Variants in XKR4 observed in about 807,000 individuals in gnomAD.
The protein encoded by XKR4 is XK related 4, also known as XK-related protein 4.
Under a neutral mutation model 53.9 loss-of-function variants are expected in XKR4, and 12 were observed. That is an observed-to-expected ratio of 0.22 (90% CI 0.14 to 0.36). The LOEUF (loss-of-function observed/expected upper bound fraction) is 0.36. XKR4 is among the 10% of genes least tolerant of loss of function. The pLI, the probability that XKR4 is intolerant of heterozygous loss-of-function variation, is 1.00. For synonymous variants in XKR4, 354 were observed against 362.4 expected, an observed-to-expected ratio of 0.98 and a Z score of 0.26; for missense variants, 799 against 859.5, an observed-to-expected ratio of 0.93 and a Z score of 0.88.
At chr8:55,138,990 G>A (rs965089574) in intron 1 of XKR4, among the ~76,000 whole-genome samples, 7 of 152,174 alleles carry the variant, frequency 4.6e-5, no homozygotes, top group Non-Finnish European at 8.8e-5. Context: ...GACGTGGCTC[G>A]TCTGTCTGAG....
At chr8:55,485,003 CCTCT>C (rs754748135) in intron 2 of XKR4, among the ~76,000 whole-genome samples, 1 of 152,182 alleles carries the variant, frequency 6.6e-6, no homozygotes, top group South Asian at 2.1e-4. Flanking sequence ...TCTGGAGAAT[CCTCT>C]CTAACACATA....
At chr8:55,263,930 T>C (rs77413705) in intron 1 of XKR4, among the ~76,000 whole-genome samples, 5,676 of 152,278 alleles carry the variant, frequency 0.037, 344 homozygotes, top group African/African-American at 0.13. Context: ...AAAATGGTCA[T>C]TGCAGGTGTA....
chr8:55,370,349 C>T (rs990169018), intron 2 of XKR4, among the ~76,000 whole-genome samples: 3 of 152,200 alleles, frequency 2.0e-5, no homozygotes, highest in Non-Finnish European at 2.9e-5. Flanking sequence ...TAATAGTGCC[C>T]CATCTGAATG....
chr8:55,332,097 G>A (rs1008277998), intron 1 of XKR4, among the ~76,000 whole-genome samples: 1 of 151,618 alleles, frequency 6.6e-6, no homozygotes, highest in Admixed American at 6.6e-5. Context: ...GTTTCCTTTT[G>A]TGTATAGTCT....
chr8:55,179,241 T>C (rs953775717), intron 1 of XKR4, among the ~76,000 whole-genome samples: 1 of 152,286 alleles, frequency 6.6e-6, no homozygotes, highest in Admixed American at 6.5e-5. Context: ...CTAATTTTTC[T>C]GAGATGGTTT....
In XKR4 at chr8:55,335,841, A is replaced by C. The variant is rs79333800; in HGVS notation, c.807-21837A>C. On this transcript the variant is annotated intron_variant, in intron 1 of 2. Coordinates refer to ENST00000327381, the MANE Select transcript of XKR4 (RefSeq NM_052898.2). ...ATCTCAAAATGTTATACACCATATAATTCCATTTATATAACATTCTTGAAC... is the reference window on the plus strand; with the variant it reads ...ATCTCAAAATGTTATACACCATATACTTCCATTTATATAACATTCTTGAAC... 7.7e-3 allele frequency among the ~76,000 whole-genome samples: 1,165 copies of C among 152,270 alleles called. 7 individuals carry two copies. Among genetic ancestry groups the C allele is most frequent in the Non-Finnish European group, 0.012 (837 of 68,024 alleles).
At chr8:55,481,293 G>A (rs1298355390) in intron 2 of XKR4, among the ~76,000 whole-genome samples, 1 of 152,116 alleles carries the variant, frequency 6.6e-6, no homozygotes, top group Non-Finnish European at 1.5e-5. Context: ...CAAGCAATGG[G>A]GAAAGGATTC....
intron 1 of XKR4, among the ~76,000 whole-genome samples, chr8:55,315,378 C>G (rs950454088): frequency 1.3e-5 from 2 of 152,172 alleles, no homozygotes; most frequent in African/African-American, 4.8e-5. Context: ...GGAGCATGTT[C>G]TTATTAATAT....
At chr8:55,199,276 T>C (rs1024080865) in intron 1 of XKR4, among the ~76,000 whole-genome samples, 1 of 152,188 alleles carries the variant, frequency 6.6e-6, no homozygotes, top group Non-Finnish European at 1.5e-5. Context: ...AATTCAGCTA[T>C]CCCTAGATTG....
intron 1 of XKR4, among the ~76,000 whole-genome samples, chr8:55,302,268 CTTG>C (rs1819212071): frequency 6.6e-6 from 1 of 152,220 alleles, no homozygotes; most frequent in Non-Finnish European, 1.5e-5. Flanking sequence ...TTCCCCATTT[CTTG>C]TTTTTGTCAG....
At chr8:55,354,044 T>C (rs551022132) in intron 1 of XKR4, among the ~76,000 whole-genome samples, 23 of 152,096 alleles carry the variant, frequency 1.5e-4, no homozygotes, top group Non-Finnish European at 2.4e-4. Flanking sequence ...AGCAACTAGG[T>C]TGATAAAACT....
intron 1 of XKR4, among the ~76,000 whole-genome samples, chr8:55,310,250 C>T (rs192630738): frequency 1.5e-3 from 221 of 152,238 alleles, no homozygotes; most frequent in African/African-American, 4.9e-3. Context: ...ATTTTTAAAT[C>T]GGAGAAAATA....
chr8:55,435,719 C>T (rs1805166916), intron 2 of XKR4, among the ~76,000 whole-genome samples: 3 of 151,770 alleles, frequency 2.0e-5, no homozygotes, highest in Admixed American at 2.0e-4. Context: ...CAGGCATATG[C>T]CACCACACCT....
chr8:55,504,079 C>G (rs1001529665), intron 2 of XKR4, among the ~76,000 whole-genome samples: 1 of 151,908 alleles, frequency 6.6e-6, no homozygotes, highest in Non-Finnish European at 1.5e-5. Context: ...GTACAAAATC[C>G]GTTTAATATG....
intron 2 of XKR4, among the ~76,000 whole-genome samples, chr8:55,397,103 C>CA (rs1177335916): frequency 2.6e-5 from 4 of 152,088 alleles, no homozygotes; most frequent in Non-Finnish European, 5.9e-5. Flanking sequence ...TATGTCTGCA[C>CA]AAAAAAGCAG....
At position 55,523,661 on chromosome 8, in the gene XKR4, G is replaced by A. The variant is rs769103038; in HGVS notation, c.1387G>A (p.Val463Met). 4 of 1,614,188 alleles carry A rather than the reference G, an allele frequency of 2.5e-6. No homozygotes were observed. In the South Asian group the frequency reaches 3.3e-5, roughly 13 times the overall value. Residue 463 changes from valine to methionine, a missense_variant, in exon 3 of 3, where the codon GTG (valine) becomes ATG (methionine). By Grantham distance (21) the Val-to-Met change is conservative. Coordinates refer to ENST00000327381, the MANE Select transcript of XKR4 (RefSeq NM_052898.2). ...TRCRLFIYYF[V>M]ILLENTALSA... is the part of the protein sequence containing the mutation. ...CTGCAGGCTATTCATTTACTATTTT[G>A]TGATCCTTTTGGAAAATACAGCCTT... is the stretch of plus-strand genomic sequence containing the variant.
chr8:55,226,455 C>T (rs2129366183), intron 1 of XKR4, among the ~76,000 whole-genome samples: 1 of 152,286 alleles, frequency 6.6e-6, no homozygotes, highest in East Asian at 1.9e-4. Flanking sequence ...ATTGCTGACT[C>T]AGAGAACAAA....
chr8:55,343,161 A>G (rs1419004963), intron 1 of XKR4, among the ~76,000 whole-genome samples: 3 of 152,210 alleles, frequency 2.0e-5, no homozygotes, highest in Admixed American at 6.5e-5. Context: ...AACTCCTGCC[A>G]TGGTTAGCAC....
chr8:55,376,982 A>G (rs1804162151), intron 2 of XKR4, among the ~76,000 whole-genome samples: 1 of 151,960 alleles, frequency 6.6e-6, no homozygotes, highest in Non-Finnish European at 1.5e-5. Flanking sequence ...ACACAGAGAG[A>G]GAGAGAGAGA....
Sources: gnomAD v4.1 joint callset for allele counts (sites outside exome capture counted in the v4.1 genomes callset) on GRCh38, gnomAD v4.1.1 for gene constraint, MANE v1.5 for transcripts, NCBI Gene and HGNC (gene_info 2026-07-23, HGNC 2026-07-21) for gene names.